The following PAFAH1B1 variants were observed in gnomAD, a reference collection of about 807,000 sequenced individuals.
PAFAH1B1 encodes the protein platelet activating factor acetylhydrolase 1b regulatory subunit 1.
Under a neutral mutation model 57.5 loss-of-function variants are expected in PAFAH1B1, and 2 were observed. The ratio of observed to expected loss-of-function variants is 0.03; its 90% CI spans 0.01 to 0.11. The LOEUF is 0.11. Ranked by LOEUF, PAFAH1B1 falls within the 10% of genes least tolerant of loss-of-function variation. The pLI is 1.00. For synonymous variants in PAFAH1B1, 152 were observed against 169.6 expected (o/e 0.90, Z 0.81); for missense variants, 257 against 512.0 (o/e 0.50, Z 4.81).
intron 1 of PAFAH1B1, among the ~76,000 whole-genome samples, chr17:2,604,837 G>A (rs1597510351): frequency 6.6e-6 from 1 of 152,078 alleles, no homozygotes; most frequent in East Asian, 1.9e-4. Flanking sequence ...AGTGAACGTG[G>A]GAGGTCATTT....
intron 1 of PAFAH1B1, among the ~76,000 whole-genome samples, chr17:2,596,937 T>C (rs1033935020): frequency 6.6e-6 from 1 of 152,102 alleles, no homozygotes; most frequent in Non-Finnish European, 1.5e-5. Context: ...GCCATGCGCC[T>C]GTAATCCCAG....
intron 1 of PAFAH1B1, among the ~76,000 whole-genome samples, chr17:2,596,219 T>C (rs143199947): frequency 4.6e-5 from 7 of 151,590 alleles, no homozygotes; most frequent in Non-Finnish European, 8.8e-5. Flanking sequence ...CACACACATA[T>C]ATCTACACTC....
At chr17:2,662,378 TTGTGTGTGTGTGTGTGTGTGTGTG>T (rs57918293) in intron 2 of PAFAH1B1, among the ~76,000 whole-genome samples, 5 of 123,696 alleles carry the variant, frequency 4.0e-5, no homozygotes, top group Non-Finnish European at 6.6e-5. Flanking sequence ...TTTAACCTCT[TTGTGTGTGTGTGTGTGTGTGTGTG>T]TGTGTGTGTG....
intron 2 of PAFAH1B1, among the ~76,000 whole-genome samples, chr17:2,648,891 A>C (rs779941672): frequency 2.6e-5 from 4 of 151,192 alleles, no homozygotes; most frequent in Non-Finnish European, 4.4e-5. Context: ...GCAAGAAACT[A>C]AGAGTTCCTG....
intron 4 of PAFAH1B1, 34 bp from the exon 5 acceptor site, chr17:2,666,958 T>G: frequency 2.0e-6 from 3 of 1,501,918 alleles, no homozygotes; most frequent in Non-Finnish European, 2.8e-6. Flanking sequence ...TTTATTGAAA[T>G]CTATCTGTAC....
At chr17:2,608,188 G>A (rs1183610160) in intron 1 of PAFAH1B1, among the ~76,000 whole-genome samples, 2 of 151,850 alleles carry the variant, frequency 1.3e-5, no homozygotes, top group African/African-American at 4.8e-5. Context: ...AGGTTCAAGC[G>A]ATTGTCCTCC....
chr17:2,641,154 TTTTG>T (rs2068689891), intron 2 of PAFAH1B1: 1 of 152,496 alleles, frequency 6.6e-6, no homozygotes, highest in African/African-American at 2.4e-5. Flanking sequence ...TTGTTTTTGT[TTTTG>T]TTTTTTTGGG....
intron 10 of PAFAH1B1, 153 bp from the exon 11 acceptor site, chr17:2,681,576 A>C (rs773857822): frequency 9.5e-6 from 6 of 629,866 alleles, no homozygotes; most frequent in African/African-American, 7.3e-5. Context: ...ACAGTTCTGC[A>C]TCAGTCTCCC....
At chr17:2,622,441 G>A (rs2068435933) in intron 1 of PAFAH1B1, among the ~76,000 whole-genome samples, 1 of 152,168 alleles carries the variant, frequency 6.6e-6, no homozygotes, top group Admixed American at 6.6e-5. Context: ...AGGGGTTACA[G>A]GGCCCATGCA....
chr17:2,643,949 G>T (rs2068731862), intron 2 of PAFAH1B1, among the ~76,000 whole-genome samples: 1 of 152,142 alleles, frequency 6.6e-6, no homozygotes, highest in South Asian at 2.1e-4. Context: ...GCTCACTGCA[G>T]CATTTAATTT....
chr17:2,674,767 A>G (rs2069236667), intron 8 of PAFAH1B1, among the ~76,000 whole-genome samples: 1 of 152,206 alleles, frequency 6.6e-6, no homozygotes, highest in African/African-American at 2.4e-5. Context: ...GATGTTCTTG[A>G]TCATTTAAAA....
chr17:2,603,488 G>A (rs1421567366), intron 1 of PAFAH1B1, among the ~76,000 whole-genome samples: 1 of 152,088 alleles, frequency 6.6e-6, no homozygotes, highest in African/African-American at 2.4e-5. Context: ...GAGCGTGGTG[G>A]TAGATGCCTG....
At chr17:2,649,061 A>G (rs2068813142) in intron 2 of PAFAH1B1, among the ~76,000 whole-genome samples, 1 of 151,854 alleles carries the variant, frequency 6.6e-6, no homozygotes, top group African/African-American at 2.4e-5. Context: ...TAATGGTTTC[A>G]GGGCCAGGTG....
rs550618766 is a variant in PAFAH1B1, at chr17:2,658,639, T to TG, written c.33-6729dup. ...TGGGTACAGGGTTCTTTTTGCTTGA[T>TG]GGGGAAGATAAAGGTCCACTCACCC... On this transcript the variant is annotated intron_variant, in intron 2 of 10. Coordinates refer to ENST00000397195, the MANE Select transcript of PAFAH1B1 (RefSeq NM_000430.4). Among the ~76,000 whole-genome samples, 440 of 152,228 alleles carry TG rather than the reference T, an allele frequency of 2.9e-3. 1 individual carries two copies. Among genetic ancestry groups the TG allele is most frequent in the Non-Finnish European group, 4.8e-3 (324 of 68,012 alleles).
chr17:2,647,785 A>G (rs2068788508), intron 2 of PAFAH1B1, among the ~76,000 whole-genome samples: 1 of 151,912 alleles, frequency 6.6e-6, no homozygotes, highest in Non-Finnish European at 1.5e-5. Context: ...TGGGTGGATC[A>G]TGGGGTCAGG....
rs541996438 is a variant in PAFAH1B1, at chr17:2,609,864, G to A, written c.-191+15858G>A. On this transcript the variant is annotated intron_variant, in intron 1 of 10. Coordinates refer to ENST00000397195, the MANE Select transcript of PAFAH1B1 (RefSeq NM_000430.4). ...TTTTAAGACAGAGTCCTGCTCTGTC[G>A]CCCATGCTAGAGTGCAGTGGCACGA... 1.4e-4 allele frequency among the ~76,000 whole-genome samples: 22 copies of A among 152,208 alleles called. No individual in the cohort carries two copies. The South Asian group carries it at 3.9e-3, about 27-fold the overall frequency.
At chr17:2,671,878 C>T (rs1207093306) in intron 6 of PAFAH1B1, among the ~76,000 whole-genome samples, 1 of 152,084 alleles carries the variant, frequency 6.6e-6, no homozygotes, top group Non-Finnish European at 1.5e-5. Flanking sequence ...GCTGGGATTA[C>T]AGGCATGAAC....
Position 2,674,244 on chromosome 17 carries a change from C to A in PAFAH1B1, c.856C>A (p.Pro286Thr). The A allele has an allele frequency of 6.2e-7, 1 of 1,613,950 alleles. No homozygotes were observed. The change falls in exon 8 of 11, where the codon CCA becomes ACA. Residue 286 changes from proline (P) to threonine (T), a missense_variant. Physicochemically the swap from Pro to Thr is conservative, Grantham distance 38. Transcript: ENST00000397195. ...TGTGGTAGAATGCATTTCCTGGGCT[C>A]CAGAAAGCTCATATTCCTCCATCTC... ...EHVVECISWA[P>T]ESSYSSISEA...
intron 1 of PAFAH1B1, among the ~76,000 whole-genome samples, chr17:2,599,364 C>G (rs921664697): frequency 6.6e-6 from 1 of 152,174 alleles, no homozygotes; most frequent in African/African-American, 2.4e-5. Flanking sequence ...GATTGGACTC[C>G]TTAATCTTTG....
Sources: allele counts gnomAD v4.1 joint callset (sites outside exome capture counted in the v4.1 genomes callset), GRCh38; gene constraint gnomAD v4.1.1; transcripts MANE v1.5; gene names NCBI Gene and HGNC (gene_info 2026-07-23, HGNC 2026-07-21).